PTPRO: variants seen among roughly 807,000 people sequenced by gnomAD.
PTPRO encodes protein tyrosine phosphatase receptor type O.
PTPRO carries 62 observed loss-of-function variants against 145.2 expected under a neutral mutation model. The observed-to-expected ratio is 0.43, with a 90% CI of 0.35 to 0.53. PTPRO has a LOEUF of 0.53. Among genes scored for constraint, PTPRO ranks in the 20% least tolerant of loss-of-function variants. The pLI is 0.01. For missense variants in PTPRO, 1,345 were observed against 1,482.7 expected (o/e 0.91, Z 1.53); for synonymous variants, 565 against 514.7 (o/e 1.10, Z -1.32).
intron 26 of PTPRO, 110 bp downstream of exon 26, chr12:15,595,167 C>A: frequency 1.3e-6 from 1 of 747,240 alleles, no homozygotes; most frequent in South Asian, 1.5e-5. Context: ...TCTGACTTCA[C>A]ATGAGTATTT....
chr12:15,424,907 C>T (rs1324106179), intron 1 of PTPRO, among the ~76,000 whole-genome samples: 1 of 152,086 alleles, frequency 6.6e-6, no homozygotes, highest in Non-Finnish European at 1.5e-5. Context: ...TGGCTCCCAT[C>T]TCATCTGGGA....
intron 1 of PTPRO, chr12:15,439,944 T>C (rs916367017): frequency 3.7e-5 from 25 of 682,200 alleles, no homozygotes; most frequent in Non-Finnish European, 6.7e-5. Flanking sequence ...GGTCTGGGTG[T>C]TAAGTGCTCC....
chr12:15,389,787 A>G (rs1939138421), intron 1 of PTPRO, among the ~76,000 whole-genome samples: 1 of 152,182 alleles, frequency 6.6e-6, no homozygotes, highest in Non-Finnish European at 1.5e-5. Flanking sequence ...CCTGTTTCTT[A>G]TTAACACAAT....
chr12:15,347,912 TA>T (rs1226041160), intron 1 of PTPRO, among the ~76,000 whole-genome samples: 2 of 152,210 alleles, frequency 1.3e-5, no homozygotes, highest in East Asian at 3.8e-4. Flanking sequence ...CCTATGGCCC[TA>T]AACATAGTCT....
intron 10 of PTPRO, among the ~76,000 whole-genome samples, chr12:15,522,133 G>A (rs1942734254): frequency 6.6e-6 from 1 of 151,910 alleles, no homozygotes; most frequent in Admixed American, 6.6e-5. Context: ...ATACCTCACA[G>A]TATGTGTGAG....
At chr12:15,391,848 T>A (rs1222958536) in intron 1 of PTPRO, among the ~76,000 whole-genome samples, 1 of 152,180 alleles carries the variant, frequency 6.6e-6, no homozygotes, top group Non-Finnish European at 1.5e-5. Flanking sequence ...TCACTGGGAA[T>A]GATAGTGAGA....
chr12:15,588,122 A>T (rs947288199), intron 24 of PTPRO, among the ~76,000 whole-genome samples: 1 of 152,242 alleles, frequency 6.6e-6, no homozygotes, highest in African/African-American at 2.4e-5. Flanking sequence ...TCAAGAACAG[A>T]AAATGAAGCT....
intron 1 of PTPRO, among the ~76,000 whole-genome samples, chr12:15,444,762 T>C (rs1054747718): frequency 1.3e-5 from 2 of 152,110 alleles, no homozygotes; most frequent in Non-Finnish European, 2.9e-5. Context: ...CCAAATCTAA[T>C]AGTGCCTTGA....
At chr12:15,438,542 C>G (rs2136354085) in intron 1 of PTPRO, among the ~76,000 whole-genome samples, 1 of 151,966 alleles carries the variant, frequency 6.6e-6, no homozygotes, top group African/African-American at 2.4e-5. Flanking sequence ...TTGAAAAACT[C>G]ACGTAAAGAA....
At chr12:15,399,984 G>C (rs1295373280) in intron 1 of PTPRO, among the ~76,000 whole-genome samples, 2 of 148,550 alleles carry the variant, frequency 1.3e-5, no homozygotes, top group Non-Finnish European at 3.0e-5. Flanking sequence ...CCAGGAGGTG[G>C]AGGTTGCAGT....
At chr12:15,480,949 T>A (rs1286014826) in intron 1 of PTPRO, among the ~76,000 whole-genome samples, 1 of 152,174 alleles carries the variant, frequency 6.6e-6, no homozygotes, top group Non-Finnish European at 1.5e-5. Context: ...TTGTCCAGAG[T>A]ATATGGTTAT....
rs1944657421 is a variant in PTPRO, at chr12:15,596,259, T to G, written c.*186T>G. ...CCTTAAAGAGCCTACAGTGTCCTTT[T>G]GGACTCTTTCACTTCGGGACATTTA... On this transcript the variant is annotated 3_prime_UTR_variant, in exon 27 of 27. Transcript: ENST00000281171. 6.6e-6 allele frequency: 1 copy of G among 152,642 alleles called. No individual in the cohort carries two copies. The highest frequency in any genetic ancestry group is 1.5e-5 in the Non-Finnish European group (1 of 68,038). 9.5% of individuals were successfully genotyped at this position (152,642 alleles called of 1,614,324 possible). A position where few individuals can be genotyped will look rare whatever the true frequency, so the allele number is the denominator to read the frequency against.
chr12:15,588,620 C>T (rs1436155609), intron 24 of PTPRO, among the ~76,000 whole-genome samples: 1 of 152,084 alleles, frequency 6.6e-6, no homozygotes, highest in Non-Finnish European at 1.5e-5. Flanking sequence ...ACTAAAATGG[C>T]AGGCATGCTG....
intron 14 of PTPRO, among the ~76,000 whole-genome samples, chr12:15,550,118 T>C (rs74063864): frequency 0.011 from 1,683 of 152,276 alleles, 30 homozygotes; most frequent in African/African-American, 0.038. Flanking sequence ...TTTGACTCCC[T>C]CAAAACTTAA....
chr12:15,509,043 TA>T (rs1189811424), intron 7 of PTPRO, among the ~76,000 whole-genome samples: 7 of 152,366 alleles, frequency 4.6e-5, no homozygotes, highest in Admixed American at 4.6e-4. Context: ...GGTTCTAAGA[TA>T]GATGTTGGAA....
At chr12:15,583,968 C>T (rs1399108497) in intron 23 of PTPRO, among the ~76,000 whole-genome samples, 1 of 152,192 alleles carries the variant, frequency 6.6e-6, no homozygotes, top group African/African-American at 2.4e-5. Flanking sequence ...ATTCACATTG[C>T]TTCCTTGTTA....
At chr12:15,589,985 A>T (rs1944512401) in intron 25 of PTPRO, among the ~76,000 whole-genome samples, 1 of 152,194 alleles carries the variant, frequency 6.6e-6, no homozygotes, top group Non-Finnish European at 1.5e-5. Context: ...TCATTAGTTT[A>T]TCCTCCGTGT....
intron 1 of PTPRO, among the ~76,000 whole-genome samples, chr12:15,463,131 T>C (rs1048088543): frequency 6.6e-6 from 1 of 152,186 alleles, no homozygotes; most frequent in Non-Finnish European, 1.5e-5. Context: ...TGAGAGAAAT[T>C]GTCATTGTAA....
intron 1 of PTPRO, among the ~76,000 whole-genome samples, chr12:15,330,486 C>T (rs1442734640): frequency 6.6e-6 from 1 of 152,174 alleles, no homozygotes; most frequent in African/African-American, 2.4e-5. Flanking sequence ...TCCACTGTGC[C>T]CAGTGCCAGG....
Sources: gnomAD v4.1 joint callset for allele counts (sites outside exome capture counted in the v4.1 genomes callset) on GRCh38, gnomAD v4.1.1 for gene constraint, MANE v1.5 for transcripts, NCBI Gene and HGNC (gene_info 2026-07-23, HGNC 2026-07-21) for gene names.